The following PRKCE variants were observed in gnomAD, a reference collection of about 807,000 sequenced individuals.
The protein encoded by PRKCE is protein kinase C epsilon type.
PRKCE carries 16 observed loss-of-function variants against 85.4 expected under a neutral mutation model. The observed-to-expected ratio is 0.19, with a 90% CI of 0.13 to 0.28. The LOEUF (loss-of-function observed/expected upper bound fraction) is 0.28. PRKCE is among the 10% of genes least tolerant of loss of function. PRKCE has a pLI of 1.00. For missense variants in PRKCE, 573 were observed against 975.2 expected (o/e 0.59, Z 5.49); for synonymous variants, 388 against 371.5 (o/e 1.04, Z -0.51).
At chr2:46,052,448 G>A (rs1288406244) in intron 10 of PRKCE, among the ~76,000 whole-genome samples, 2 of 152,176 alleles carry the variant, frequency 1.3e-5, no homozygotes, top group Admixed American at 1.3e-4. Context: ...AAAAGAAGCT[G>A]AAGACTTTTA....
intron 2 of PRKCE, among the ~76,000 whole-genome samples, chr2:45,873,513 G>C (rs1366010463): frequency 6.6e-6 from 1 of 152,010 alleles, no homozygotes; most frequent in African/African-American, 2.4e-5. Flanking sequence ...GATAGGTTGA[G>C]AGGTATGGCC....
intron 5 of PRKCE, 148 bp downstream of exon 5, chr2:45,980,529 G>C: frequency 1.3e-6 from 1 of 745,132 alleles, no homozygotes; most frequent in Admixed American, 2.4e-5. Context: ...GCTGTCCACG[G>C]TCTTCTGGCA....
chr2:46,167,857 G>A (rs908859292), intron 14 of PRKCE: 3 of 151,478 alleles, frequency 2.0e-5, no homozygotes, highest in Non-Finnish European at 2.9e-5. Context: ...ACAGCTGTGC[G>A]GCCCTCAGCA....
chr2:45,755,275 C>G (rs1573216972), intron 1 of PRKCE, among the ~76,000 whole-genome samples: 1 of 152,160 alleles, frequency 6.6e-6, no homozygotes, highest in Admixed American at 6.5e-5. Context: ...GGGCAGTGGA[C>G]TATTTTGCTA....
chr2:45,974,539 A>T (rs1456189122), intron 2 of PRKCE, among the ~76,000 whole-genome samples: 1 of 152,238 alleles, frequency 6.6e-6, no homozygotes, highest in Non-Finnish European at 1.5e-5. Context: ...TCCAATAAAC[A>T]GCTGCCTGTT....
chr2:46,160,417 C>T (rs923887006), intron 14 of PRKCE, among the ~76,000 whole-genome samples: 1 of 152,210 alleles, frequency 6.6e-6, no homozygotes, highest in African/African-American at 2.4e-5. Context: ...ATAAAGACCA[C>T]GTCCTGGCAG....
At chr2:45,832,215 C>T (rs190098356) in intron 1 of PRKCE, among the ~76,000 whole-genome samples, 45 of 152,166 alleles carry the variant, frequency 3.0e-4, no homozygotes, top group Non-Finnish European at 5.1e-4. Flanking sequence ...CTGAGCCTCT[C>T]GGCTATTTTG....
chr2:45,777,471 G>A (rs1011508366), intron 1 of PRKCE, among the ~76,000 whole-genome samples: 5 of 151,874 alleles, frequency 3.3e-5, no homozygotes, highest in Non-Finnish European at 7.4e-5. Context: ...AGGCAGTGGC[G>A]CCCACGAGCT....
In PRKCE at chr2:45,884,954, CATATATAT is replaced by C. The variant is rs745477412; in HGVS notation, c.412+41932_412+41939del. 7.7e-3 allele frequency among the ~76,000 whole-genome samples: 289 copies of C among 37,518 alleles called. 1 individual carries two copies. Among genetic ancestry groups the C allele is most frequent in the Middle Eastern group, 0.062 (3 of 48 alleles). The allele number at this position is 37,518 out of a possible 152,430, so 24.6% of individuals were successfully genotyped here. A position where few individuals can be genotyped will look rare whatever the true frequency, so the allele number is the denominator to read the frequency against. ...TGCGTGTGATCTGTTATATGTGATC[CATATATAT>C]ATATATATATATATATATATATATA... On this transcript the variant is annotated intron_variant, in intron 2 of 14. Coordinates refer to ENST00000306156, the MANE Select transcript of PRKCE (RefSeq NM_005400.3).
chr2:45,754,465 G>A (rs1024415153), intron 1 of PRKCE, among the ~76,000 whole-genome samples: 1 of 152,114 alleles, frequency 6.6e-6, no homozygotes, highest in African/African-American at 2.4e-5. Context: ...ATTCTCCGTG[G>A]GGTTTCTTTC....
intron 10 of PRKCE, among the ~76,000 whole-genome samples, chr2:46,056,138 C>T (rs1460337828): frequency 2.0e-5 from 3 of 152,224 alleles, no homozygotes; most frequent in Middle Eastern, 3.4e-3. Flanking sequence ...ATCAAGTATA[C>T]CCAGTGAGTA....
In PRKCE at chr2:45,980,397, A is replaced by G; in HGVS notation, c.693+16A>G. The G allele has an allele frequency of 6.3e-7, 1 of 1,599,144 alleles. No individual in the cohort carries two copies. The highest frequency in any genetic ancestry group is 1.3e-5 in the African/African-American group (1 of 75,038). Reference sequence around the variant, plus strand: ...CCCCGACCAGGTAAGTGTTGGTGACACGGAAATTCTGGGCTTCTTCACCGC... The same window carrying G: ...CCCCGACCAGGTAAGTGTTGGTGACGCGGAAATTCTGGGCTTCTTCACCGC... On this transcript the variant is annotated intron_variant, in intron 5 of 14. Transcript: ENST00000306156.
intron 1 of PRKCE, among the ~76,000 whole-genome samples, chr2:45,779,389 C>T (rs1047995836): frequency 7.9e-5 from 12 of 151,980 alleles, no homozygotes; most frequent in African/African-American, 2.4e-4. Context: ...ACAGAGGCGG[C>T]GCTAGTGCTA....
chr2:45,917,358 A>G (rs1279059013), intron 2 of PRKCE, among the ~76,000 whole-genome samples: 1 of 152,138 alleles, frequency 6.6e-6, no homozygotes, highest in Non-Finnish European at 1.5e-5. Flanking sequence ...TGAGCTAGAT[A>G]CAGAGTGCCA....
At position 45,951,710 on chromosome 2, in the gene PRKCE, G is replaced by C. The variant is rs114632768; in HGVS notation, c.413-24719G>C. Among the ~76,000 whole-genome samples, 116 of 152,360 alleles carry C rather than the reference G, an allele frequency of 7.6e-4. 1 individual carries two copies. Among genetic ancestry groups the C allele is most frequent in the African/African-American group, 2.6e-3 (108 of 41,592 alleles). Reference sequence around the variant, plus strand: ...TTTTGTACACAACCACATACAATGAGTCTGGTTCTTCCACACCTCATCCTC... The same window carrying C: ...TTTTGTACACAACCACATACAATGACTCTGGTTCTTCCACACCTCATCCTC... On this transcript the variant is annotated intron_variant, in intron 2 of 14. Transcript: ENST00000306156.
chr2:46,160,619 C>G (rs1009292940), intron 14 of PRKCE, among the ~76,000 whole-genome samples: 3 of 152,130 alleles, frequency 2.0e-5, no homozygotes, highest in African/African-American at 7.2e-5. Flanking sequence ...AGGCAGGAGC[C>G]CCAGTGCTGT....
intron 2 of PRKCE, among the ~76,000 whole-genome samples, chr2:45,938,290 C>T (rs1182693312): frequency 6.7e-6 from 1 of 149,970 alleles, no homozygotes; most frequent in Non-Finnish European, 1.5e-5. Context: ...GGGGGGCTAT[C>T]TGGCAATTCA....
chr2:45,911,838 C>G (rs547729632), intron 2 of PRKCE, among the ~76,000 whole-genome samples: 29 of 152,216 alleles, frequency 1.9e-4, no homozygotes, highest in African/African-American at 6.7e-4. Flanking sequence ...CTTATGATTT[C>G]CATACCTACC....
chr2:45,773,269 A>G (rs6758953), intron 1 of PRKCE, among the ~76,000 whole-genome samples: 80,839 of 151,990 alleles, frequency 0.53, 23,820 homozygotes, highest in East Asian at 0.78. Flanking sequence ...GCCTTTTGGG[A>G]GTGGTGGCCG....
Sources: gnomAD v4.1 joint callset for allele counts (sites outside exome capture counted in the v4.1 genomes callset) on GRCh38, gnomAD v4.1.1 for gene constraint, MANE v1.5 for transcripts, NCBI Gene and HGNC (gene_info 2026-07-23, HGNC 2026-07-21) for gene names.